The following FBXO4 variants were observed in gnomAD, a reference collection of about 807,000 sequenced individuals.
The protein encoded by FBXO4 is F-box only protein 4.
In FBXO4, 36 loss-of-function variants were observed where a neutral mutation model predicts 43.7. The ratio of observed to expected loss-of-function variants is 0.82; its 90% CI spans 0.63 to 1.09. FBXO4 has a LOEUF of 1.09. FBXO4 is among the 50% of genes least tolerant of loss of function. The pLI, the probability that FBXO4 is intolerant of heterozygous loss-of-function variation, is 0.00. For synonymous variants in FBXO4, 180 were observed against 165.6 expected, an observed-to-expected ratio of 1.09 and a Z score of -0.67; for missense variants, 435 against 474.1, an observed-to-expected ratio of 0.92 and a Z score of 0.77.
intron 5 of FBXO4, chr5:41,934,725 T>C (rs1751805648): frequency 9.7e-7 from 1 of 1,025,674 alleles, no homozygotes; most frequent in African/African-American, 1.7e-5. Context: ...TGCAAATAAC[T>C]ATGAAAAATT....
the FBXO4 span, among the ~76,000 whole-genome samples, chr5:42,006,612 A>C: frequency 6.6e-6 from 1 of 151,836 alleles, no homozygotes; most frequent in Admixed American, 6.6e-5. Context: ...GTAATGTGTA[A>C]ATATGAAGTT....
At chr5:41,935,773 G>A (rs1251291862) in intron 5 of FBXO4, among the ~76,000 whole-genome samples, 2 of 152,224 alleles carry the variant, frequency 1.3e-5, no homozygotes, top group Non-Finnish European at 2.9e-5. Flanking sequence ...GACTACTGCA[G>A]GGATGGGGGA....
chr5:41,942,832 A>T (rs1470696816), downstream of FBXO4, among the ~76,000 whole-genome samples: 1 of 152,158 alleles, frequency 6.6e-6, no homozygotes, highest in Non-Finnish European at 1.5e-5. Flanking sequence ...TGATTTTGAC[A>T]AGTACATGAG....
the FBXO4 span, among the ~76,000 whole-genome samples, chr5:42,030,970 G>A: frequency 1.7e-4 from 26 of 152,196 alleles, no homozygotes; most frequent in African/African-American, 6.3e-4. Context: ...AGGTGCTGGA[G>A]AGGATGTGGA....
chr5:41,950,984 T>A, the FBXO4 span, among the ~76,000 whole-genome samples: 1 of 152,124 alleles, frequency 6.6e-6, no homozygotes, highest in Non-Finnish European at 1.5e-5. Flanking sequence ...ACACCACATG[T>A]TCTCATTCGT....
At chr5:41,967,959 T>C in the FBXO4 span, 1 of 499,842 alleles carries the variant, frequency 2.0e-6, no homozygotes, top group African/African-American at 1.9e-5. Flanking sequence ...TTGCAGGAGT[T>C]TTGCTGACCA....
the FBXO4 span, among the ~76,000 whole-genome samples, chr5:41,955,978 T>C: frequency 6.6e-6 from 1 of 152,184 alleles, no homozygotes; most frequent in African/African-American, 2.4e-5. Context: ...GATTAAAGTT[T>C]TTCTAATTAA....
chr5:41,931,002 A>G (rs1463369104), intron 3 of FBXO4, among the ~76,000 whole-genome samples: 2 of 152,232 alleles, frequency 1.3e-5, no homozygotes, highest in African/African-American at 2.4e-5. Flanking sequence ...TAGAGGACAC[A>G]TTTGAAGTAT....
the FBXO4 span, among the ~76,000 whole-genome samples, chr5:41,964,148 A>G: frequency 3.3e-5 from 5 of 152,296 alleles, no homozygotes; most frequent in African/African-American, 1.2e-4. Context: ...TTTCAAATAT[A>G]TTTTCATTGC....
At chr5:41,953,868 T>A in the FBXO4 span, among the ~76,000 whole-genome samples, 24 of 152,166 alleles carry the variant, frequency 1.6e-4, no homozygotes, top group Non-Finnish European at 3.4e-4. Flanking sequence ...TGTAAATTTG[T>A]TGGAGTTCAT....
the FBXO4 span, among the ~76,000 whole-genome samples, chr5:41,957,957 A>G: frequency 1.4e-4 from 21 of 152,128 alleles, no homozygotes; most frequent in South Asian, 3.9e-3. Flanking sequence ...TTTCTTTTTA[A>G]AATTTTATGT....
the FBXO4 span, among the ~76,000 whole-genome samples, chr5:41,997,708 T>A: frequency 6.6e-6 from 1 of 152,184 alleles, no homozygotes; most frequent in Non-Finnish European, 1.5e-5. Flanking sequence ...CTGGAATGAA[T>A]GTCAGCTCAG....
the FBXO4 span, among the ~76,000 whole-genome samples, chr5:42,019,178 A>G: frequency 4.6e-5 from 7 of 152,164 alleles, no homozygotes; most frequent in Non-Finnish European, 8.8e-5. Context: ...AAGTATAATC[A>G]AGCATTTCCA....
the FBXO4 span, among the ~76,000 whole-genome samples, chr5:41,980,229 A>C: frequency 2.0e-5 from 3 of 152,368 alleles, no homozygotes; most frequent in Admixed American, 1.3e-4. Context: ...CTTTTGACTG[A>C]GAACTAAAAT....
chr5:41,950,670 C>A, the FBXO4 span, among the ~76,000 whole-genome samples: 1 of 152,164 alleles, frequency 6.6e-6, no homozygotes, highest in Non-Finnish European at 1.5e-5. Flanking sequence ...TCTCAAGGAT[C>A]TAGAACTAGA....
At chr5:41,999,481 AT>A in the FBXO4 span, among the ~76,000 whole-genome samples, 1 of 10,400 alleles carries the variant, frequency 9.6e-5, no homozygotes, top group Admixed American at 1.2e-3. Flanking sequence ...ATATATACAC[AT>A]ATATATATAT....
At chr5:41,947,831 A>G in the FBXO4 span, among the ~76,000 whole-genome samples, 5 of 152,316 alleles carry the variant, frequency 3.3e-5, no homozygotes, top group Non-Finnish European at 5.9e-5. Context: ...GCTGACATCA[A>G]TATGATCAGT....
At chr5:41,967,068 G>A in the FBXO4 span, 82,528 of 250,542 alleles carry the variant, frequency 0.33, 17,349 homozygotes, top group African/African-American at 0.67. Context: ...AAAAAATCAC[G>A]TTTCTCTCGG....
At chr5:42,030,835 C>T in the FBXO4 span, among the ~76,000 whole-genome samples, 1 of 152,154 alleles carries the variant, frequency 6.6e-6, no homozygotes, top group Non-Finnish European at 1.5e-5. Flanking sequence ...GACATTTATG[C>T]AGCCAAAAAA....
Sources: allele counts gnomAD v4.1 joint callset (sites outside exome capture counted in the v4.1 genomes callset), GRCh38; gene constraint gnomAD v4.1.1; transcripts MANE v1.5; gene names NCBI Gene and HGNC (gene_info 2026-07-23, HGNC 2026-07-21).